COBL: variants seen among roughly 807,000 people sequenced by gnomAD.
COBL encodes cordon-bleu WH2 repeat protein, also known as protein cordon-bleu.
A neutral mutation model predicts 98.8 loss-of-function variants in COBL; 51 were observed. That is an observed-to-expected ratio of 0.52 (90% CI 0.41 to 0.65). The LOEUF is 0.65. Ranked by LOEUF, COBL falls within the 30% of genes least tolerant of loss-of-function variation. The pLI is 0.00. For synonymous variants in COBL, 634 were observed against 651.7 expected, an observed-to-expected ratio of 0.97 and a Z score of 0.41; for missense variants, 1,617 against 1,617.5, an observed-to-expected ratio of 1.00 and a Z score of 0.01.
chr7:51,132,420 G>A (rs1460460648), intron 6 of COBL, among the ~76,000 whole-genome samples: 2 of 152,228 alleles, frequency 1.3e-5, no homozygotes, highest in African/African-American at 4.8e-5. Flanking sequence ...ACTGGCTAGT[G>A]CTGTTCTTAC....
At chr7:51,135,150 C>T (rs1386532998) in intron 6 of COBL, among the ~76,000 whole-genome samples, 4 of 151,978 alleles carry the variant, frequency 2.6e-5, no homozygotes, top group Admixed American at 6.6e-5. Context: ...TTAGTAGAGA[C>T]GGGATTTCAC....
chr7:51,192,482 T>C (rs2129057894), intron 3 of COBL, among the ~76,000 whole-genome samples: 1 of 152,244 alleles, frequency 6.6e-6, no homozygotes, highest in East Asian at 1.9e-4. Context: ...GGCATGCACC[T>C]GTAGTCCCAG....
chr7:51,018,905 A>AAAAAAAT (rs1554345519), intron 12 of COBL, among the ~76,000 whole-genome samples: 6 of 34,436 alleles, frequency 1.7e-4, no homozygotes, highest in African/African-American at 5.0e-4. Flanking sequence ...AAAAAAAAAA[A>AAAAAAAT]ATATATATAT....
chr7:51,161,553 T>C (rs1302215793), intron 5 of COBL, among the ~76,000 whole-genome samples: 3 of 152,206 alleles, frequency 2.0e-5, no homozygotes, highest in South Asian at 2.1e-4. Context: ...TGAAACACTA[T>C]AATGACACTA....
chr7:51,210,795 C>T (rs1340531965), intron 2 of COBL, among the ~76,000 whole-genome samples: 5 of 152,160 alleles, frequency 3.3e-5, no homozygotes, highest in Admixed American at 1.3e-4. Flanking sequence ...GAGGGAATGC[C>T]GTTTCTGCTA....
At chr7:51,315,624 G>A (rs77486899) in intron 1 of COBL, among the ~76,000 whole-genome samples, 5,782 of 137,186 alleles carry the variant, frequency 0.042, 184 homozygotes, top group African/African-American at 0.079. Flanking sequence ...GCGAGCGAGC[G>A]AGTTCGAAGG....
At chr7:51,255,185 G>A (rs541002398) in intron 1 of COBL, among the ~76,000 whole-genome samples, 4 of 152,248 alleles carry the variant, frequency 2.6e-5, no homozygotes, top group Admixed American at 2.6e-4. Flanking sequence ...TAAAATACAT[G>A]ATGCAATTAA....
intron 1 of COBL, among the ~76,000 whole-genome samples, chr7:51,279,002 A>G (rs529289389): frequency 1.3e-5 from 2 of 152,372 alleles, no homozygotes; most frequent in Admixed American, 1.3e-4. Context: ...AGACACTTGC[A>G]GTCCTGTAAG....
chr7:51,130,478 G>C (rs1798640161), intron 6 of COBL, among the ~76,000 whole-genome samples: 2 of 152,190 alleles, frequency 1.3e-5, no homozygotes, highest in Admixed American at 1.3e-4. Context: ...CTGCAAAGAT[G>C]AGTATTGCAA....
intron 8 of COBL, among the ~76,000 whole-genome samples, chr7:51,042,843 G>A (rs1789337181): frequency 6.6e-6 from 1 of 152,194 alleles, no homozygotes; most frequent in African/African-American, 2.4e-5. Context: ...GATGTCTACT[G>A]ACCTTAATCA....
chr7:51,048,203 G>A (rs1362505368), intron 7 of COBL, among the ~76,000 whole-genome samples: 1 of 151,984 alleles, frequency 6.6e-6, no homozygotes, highest in Non-Finnish European at 1.5e-5. Context: ...TAATTTTTTG[G>A]CATATCCCTC....
rs1052094894 is a variant in COBL at position 51,084,947 on chromosome 7, C to T, written c.1096+219G>A. ...AGCCGTTTCTCCCCTTCCACCGTCC[C>T]CCGCCTCCTAAATGCTCACATAATG... On this transcript the variant is annotated intron_variant, in intron 7 of 12. Transcript: ENST00000265136. Among the ~76,000 whole-genome samples the T allele has an allele frequency of 4.6e-5, 7 of 152,198 alleles. No homozygotes were observed. In the East Asian group the frequency reaches 5.8e-4, roughly 13 times the overall value.
chr7:51,027,323 G>T (rs1305159384), intron 10 of COBL, among the ~76,000 whole-genome samples: 3 of 152,244 alleles, frequency 2.0e-5, no homozygotes, highest in Non-Finnish European at 4.4e-5. Flanking sequence ...TGCTACAAAT[G>T]CATATGGGAA....
chr7:51,047,520 C>T (rs1789832675), intron 7 of COBL, among the ~76,000 whole-genome samples: 1 of 152,144 alleles, frequency 6.6e-6, no homozygotes, highest in Admixed American at 6.5e-5. Context: ...AAGTATCTTC[C>T]AAGTAATTTT....
Position 51,017,192 on chromosome 7 carries a change from T to A in COBL, c.*359A>T. On this transcript the variant is annotated 3_prime_UTR_variant, in exon 13 of 13. Coordinates refer to ENST00000265136, the MANE Select transcript of COBL (RefSeq NM_015198.5). ...CTGTATGTGGTAAAAGTCTCAAAGG[T>A]CCAAAATCAGTCTAAGGCATGATTC... The A allele has an allele frequency of 2.0e-6, 1 of 497,760 alleles. No individual in the cohort carries two copies. Among genetic ancestry groups the A allele is most frequent in the South Asian group, 4.2e-5 (1 of 23,830 alleles). The allele number at this position is 497,760 out of a possible 1,614,324, so 30.8% of individuals were successfully genotyped here.
chr7:51,086,327 A>C (rs985017992), intron 6 of COBL, among the ~76,000 whole-genome samples: 3 of 140,534 alleles, frequency 2.1e-5, no homozygotes, highest in African/African-American at 8.0e-5. Flanking sequence ...ACTGCACTCC[A>C]GCCTGGGTGA....
intron 7 of COBL, among the ~76,000 whole-genome samples, chr7:51,080,651 C>T (rs917769096): frequency 1.3e-5 from 2 of 152,152 alleles, no homozygotes; most frequent in African/African-American, 4.8e-5. Flanking sequence ...ATAAACACAG[C>T]GTTTGTTATG....
At chr7:51,316,098 C>A (rs1803546612) in intron 1 of COBL, among the ~76,000 whole-genome samples, 1 of 152,194 alleles carries the variant, frequency 6.6e-6, no homozygotes, top group Non-Finnish European at 1.5e-5. Context: ...GGAGCCCTCC[C>A]CTCCACGCTG....
At chr7:51,236,288 G>C (rs1312328468) in intron 1 of COBL, among the ~76,000 whole-genome samples, 1 of 152,208 alleles carries the variant, frequency 6.6e-6, no homozygotes, top group African/African-American at 2.4e-5. Context: ...CAGAGGTAGA[G>C]GTTACAGTGC....
Sources: gnomAD v4.1 joint callset for allele counts (sites outside exome capture counted in the v4.1 genomes callset) on GRCh38, gnomAD v4.1.1 for gene constraint, MANE v1.5 for transcripts, NCBI Gene and HGNC (gene_info 2026-07-23, HGNC 2026-07-21) for gene names.